Variants in NPAS3 observed in about 807,000 individuals in gnomAD.
The protein encoded by NPAS3 is neuronal PAS domain protein 3.
In NPAS3, 14 loss-of-function variants were observed where a neutral mutation model predicts 73.1. The observed-to-expected ratio is 0.19, with a 90% CI of 0.13 to 0.30. The LOEUF is 0.30. NPAS3 is among the 10% of genes least tolerant of loss of function. The probability of loss-of-function intolerance (pLI) is 1.00; values close to 1 mark genes in which losing one functional copy is unlikely to be tolerated. For missense variants in NPAS3, 1,096 were observed against 1,250.0 expected (o/e 0.88, Z 1.86); for synonymous variants, 620 against 541.5 (o/e 1.14, Z -2.01).
intron 2 of NPAS3, among the ~76,000 whole-genome samples, chr14:33,157,743 A>C (rs559593860): frequency 2.7e-4 from 41 of 152,292 alleles, no homozygotes; most frequent in African/African-American, 9.6e-4. Flanking sequence ...GTGTTTATTA[A>C]CAAGTCAGGA....
At chr14:33,739,977 C>T (rs371548318) in intron 7 of NPAS3, among the ~76,000 whole-genome samples, 43 of 152,200 alleles carry the variant, frequency 2.8e-4, no homozygotes, top group African/African-American at 1.0e-3. Flanking sequence ...TTTCATTTCC[C>T]CTAATGCATA....
chr14:33,051,185 A>G (rs1232747684), intron 1 of NPAS3, among the ~76,000 whole-genome samples: 1 of 150,408 alleles, frequency 6.6e-6, no homozygotes, highest in Non-Finnish European at 1.5e-5. Context: ...GAGGCAGGAG[A>G]ATGGCGTGAA....
intron 5 of NPAS3, among the ~76,000 whole-genome samples, chr14:33,609,517 A>T (rs147656928): frequency 1.3e-4 from 19 of 151,282 alleles, no homozygotes; most frequent in African/African-American, 4.6e-4. Context: ...TCATAAAGGT[A>T]ACCAGATTTT....
At position 33,004,817 on chromosome 14, in the gene NPAS3, C is replaced by CTTTTTTTTT; in HGVS notation, c.51-51077_51-51069dup. On this transcript the variant is annotated intron_variant, in intron 1 of 11. Coordinates refer to ENST00000356141, the Ensembl canonical transcript of NPAS3. ...CTTTTTTCTATTGTAAAAAGTTTTC[C>CTTTTTTTTT]TTTTTTTTTTTTTTTTTTTAGTTTT... is the stretch of plus-strand genomic sequence containing the variant. Among the ~76,000 whole-genome samples, 68 of 63,978 alleles carry CTTTTTTTTT rather than the reference C, an allele frequency of 1.1e-3. 7 individuals are homozygous for CTTTTTTTTT. The highest frequency in any genetic ancestry group is 0.023 in the Middle Eastern group (2 of 88). The allele number at this position is 63,978 out of a possible 152,430, so 42.0% of individuals were successfully genotyped here.
intron 1 of NPAS3, among the ~76,000 whole-genome samples, chr14:33,036,168 G>T (rs2138379250): frequency 6.6e-6 from 1 of 152,258 alleles, no homozygotes; most frequent in African/African-American, 2.4e-5. Flanking sequence ...CAGAATTCTG[G>T]GTTAGGGGTG....
chr14:33,011,641 C>T (rs2039201478), intron 1 of NPAS3, among the ~76,000 whole-genome samples: 1 of 152,090 alleles, frequency 6.6e-6, no homozygotes, highest in African/African-American at 2.4e-5. Flanking sequence ...AAGAAATCAG[C>T]AATTTCTAAA....
chr14:33,183,357 C>T (rs368926949), intron 2 of NPAS3, among the ~76,000 whole-genome samples: 7 of 136,016 alleles, frequency 5.1e-5, no homozygotes, highest in Admixed American at 1.6e-4. Flanking sequence ...GCCTGGGAGG[C>T]GGAGGTTGCA....
At chr14:32,946,346 G>GCACACACACACACACA (rs5807694) in intron 1 of NPAS3, among the ~76,000 whole-genome samples, 8 of 131,872 alleles carry the variant, frequency 6.1e-5, no homozygotes, top group African/African-American at 1.2e-4. Flanking sequence ...ACACACACAC[G>GCACACACACACACACA]CGCACACACA....
chr14:33,504,735 A>T (rs550660053), intron 4 of NPAS3, among the ~76,000 whole-genome samples: 1 of 152,138 alleles, frequency 6.6e-6, no homozygotes, highest in South Asian at 2.1e-4. Context: ...AAACGGTGCA[A>T]AATAAACACA....
intron 5 of NPAS3, among the ~76,000 whole-genome samples, chr14:33,572,130 G>A (rs61972979): frequency 0.013 from 2,047 of 152,224 alleles, 28 homozygotes; most frequent in Non-Finnish European, 0.023. Flanking sequence ...GGTCTAAAAA[G>A]TGGAAAATAC....
At chr14:32,970,985 A>G (rs2037395698) in intron 1 of NPAS3, among the ~76,000 whole-genome samples, 1 of 151,846 alleles carries the variant, frequency 6.6e-6, no homozygotes, top group Non-Finnish European at 1.5e-5. Flanking sequence ...CCAGGGTGTT[A>G]TTACCATTTC....
At chr14:33,201,976 G>C (rs1029694546) in intron 2 of NPAS3, among the ~76,000 whole-genome samples, 1 of 152,138 alleles carries the variant, frequency 6.6e-6, no homozygotes, top group Non-Finnish European at 1.5e-5. Context: ...TTTCAGTTTT[G>C]TATGTACTTA....
At chr14:33,380,094 A>G (rs1452446798) in intron 4 of NPAS3, among the ~76,000 whole-genome samples, 1 of 151,950 alleles carries the variant, frequency 6.6e-6, no homozygotes, top group Non-Finnish European at 1.5e-5. Context: ...AAAGAGAAGA[A>G]AATAAAAATT....
chr14:33,162,323 T>G (rs2044924087), intron 2 of NPAS3, among the ~76,000 whole-genome samples: 1 of 152,214 alleles, frequency 6.6e-6, no homozygotes, highest in African/African-American at 2.4e-5. Flanking sequence ...CTTCATTTTT[T>G]TCTCCCTATG....
At chr14:33,566,555 T>C (rs2055954007) in intron 5 of NPAS3, among the ~76,000 whole-genome samples, 1 of 152,200 alleles carries the variant, frequency 6.6e-6, no homozygotes, top group Non-Finnish European at 1.5e-5. Flanking sequence ...GTATCTTTGT[T>C]GAAGCTCCTA....
At chr14:32,998,376 G>T (rs1365241005) in intron 1 of NPAS3, among the ~76,000 whole-genome samples, 3 of 152,166 alleles carry the variant, frequency 2.0e-5, no homozygotes, top group African/African-American at 7.2e-5. Context: ...GATGGGAGAA[G>T]CAGGAAATGG....
At chr14:33,572,050 G>T (rs1375330269) in intron 5 of NPAS3, among the ~76,000 whole-genome samples, 1 of 152,054 alleles carries the variant, frequency 6.6e-6, no homozygotes, top group Admixed American at 6.6e-5. Context: ...TGATTTTATT[G>T]ACTCTAGACA....
intron 4 of NPAS3, among the ~76,000 whole-genome samples, chr14:33,401,361 C>G (rs2047438039): frequency 6.6e-6 from 1 of 152,126 alleles, no homozygotes; most frequent in Non-Finnish European, 1.5e-5. Flanking sequence ...TTCCAGGAAG[C>G]TTTCCATATA....
Position 33,167,253 on chromosome 14 carries a change from A to G in NPAS3, c.141-47929A>G, listed in dbSNP as rs2045197709. Among the ~76,000 whole-genome samples, 3 of 152,142 alleles carry G rather than the reference A, an allele frequency of 2.0e-5. No homozygotes were observed. The South Asian group carries it at 6.2e-4, about 32-fold the overall frequency. On this transcript the variant is annotated intron_variant, in intron 2 of 11. Transcript: ENST00000356141. ...CAGAGGGGCCGTGATCAGCTTCAGG[A>G]GTTCTATAAACTCTCTCAAAGTGTA...
Sources: allele counts gnomAD v4.1 joint callset (sites outside exome capture counted in the v4.1 genomes callset), GRCh38; gene constraint gnomAD v4.1.1; transcripts MANE v1.5; gene names NCBI Gene and HGNC (gene_info 2026-07-23, HGNC 2026-07-21).